NHSL2: variants seen among roughly 807,000 people sequenced by gnomAD.
NHSL2 encodes NHS-like protein 2.
A neutral mutation model predicts 53.4 loss-of-function variants in NHSL2; 27 were observed. That is an observed-to-expected ratio of 0.51 (90% CI 0.37 to 0.70). NHSL2 has a LOEUF of 0.70. NHSL2 is among the 30% of genes least tolerant of loss of function. NHSL2 has a pLI of 0.00. For synonymous variants in NHSL2, 408 were observed against 404.1 expected (o/e 1.01, Z -0.12); for missense variants, 892 against 980.1 (o/e 0.91, Z 1.20).
chrX:71,954,999 C>A (rs1319342458), intron 1 of NHSL2, among the ~76,000 whole-genome samples: 1 of 112,314 alleles, frequency 8.9e-6, no homozygotes, highest in Non-Finnish European at 1.9e-5. Context: ...TCTCAAGCAG[C>A]CTTTCCAGTC....
chrX:72,009,702 CTTTA>C, intron 1 of NHSL2, among the ~76,000 whole-genome samples: 1 of 112,410 alleles, frequency 8.9e-6, no homozygotes, highest in East Asian at 2.8e-4. Context: ...CTGACATGTA[CTTTA>C]TTTATTTCCC....
intron 1 of NHSL2, among the ~76,000 whole-genome samples, chrX:72,023,135 C>T (rs2042168265): frequency 8.9e-6 from 1 of 112,677 alleles, no homozygotes; most frequent in African/African-American, 3.2e-5. Context: ...AGGCTTGATA[C>T]TAGGTGTTGG....
intron 1 of NHSL2, among the ~76,000 whole-genome samples, chrX:71,980,932 G>T (rs1158760984): frequency 8.9e-6 from 1 of 111,751 alleles, no homozygotes; most frequent in Admixed American, 9.5e-5. Flanking sequence ...CTCAACTAGG[G>T]TGTTGCCCCT....
At chrX:72,129,919 C>T (rs767201470) in intron 1 of NHSL2, 4 of 1,211,046 alleles carry the variant, frequency 3.3e-6, no homozygotes, top group Admixed American at 2.2e-5. Context: ...TCGAACTTGG[C>T]GTTGTCCTAA....
intron 1 of NHSL2, among the ~76,000 whole-genome samples, chrX:72,022,139 G>C (rs1456697278): frequency 8.9e-6 from 1 of 112,058 alleles, no homozygotes; most frequent in African/African-American, 3.2e-5. Context: ...ACCCACCAAA[G>C]CTGCCCTGAG....
chrX:72,018,204 G>GT (rs778642571), intron 1 of NHSL2, among the ~76,000 whole-genome samples: 2 of 111,457 alleles, frequency 1.8e-5, no homozygotes, highest in East Asian at 5.6e-4. Context: ...TTGTGTGGGG[G>GT]TGAGGACCTG....
intron 1 of NHSL2, among the ~76,000 whole-genome samples, chrX:71,938,752 A>G (rs1036705207): frequency 8.9e-6 from 1 of 112,918 alleles, no homozygotes; most frequent in African/African-American, 3.2e-5. Context: ...TCTTGGCCCC[A>G]CTGCTGGGAA....
intron 1 of NHSL2, among the ~76,000 whole-genome samples, chrX:71,988,678 C>T (rs1414494778): frequency 9.0e-6 from 1 of 111,409 alleles, no homozygotes; most frequent in African/African-American, 3.3e-5. Context: ...CAGACTATTT[C>T]CTTTGGGTTG....
At chrX:72,021,492 A>G (rs2042160230) in intron 1 of NHSL2, among the ~76,000 whole-genome samples, 1 of 111,535 alleles carries the variant, frequency 9.0e-6, no homozygotes, top group African/African-American at 3.3e-5. Context: ...AACTTCCCTT[A>G]CTCTGAATCT....
intron 1 of NHSL2, among the ~76,000 whole-genome samples, chrX:72,090,906 A>G (rs1355284551): frequency 1.8e-5 from 2 of 111,269 alleles, no homozygotes; most frequent in African/African-American, 3.3e-5. Context: ...TTCACCTGAC[A>G]TTGTATCTTG....
rs766144046 is a variant in NHSL2, at chrX:72,049,015, G to GAAGAAGAAGAAGAAGAA, written c.281-83064_281-83063insAAGAAGAAGAAGAAGAA. Among the ~76,000 whole-genome samples, 196 of 82,767 alleles carry GAAGAAGAAGAAGAAGAA rather than the reference G, an allele frequency of 2.4e-3. 2 individuals are homozygous for GAAGAAGAAGAAGAAGAA. Among genetic ancestry groups the GAAGAAGAAGAAGAAGAA allele is most frequent in the African/African-American group, 9.9e-3 (132 of 13,375 alleles). 71.9% of individuals were successfully genotyped at this position (82,767 alleles called of 115,157 possible). On this transcript the variant is annotated intron_variant, in intron 1 of 7. Coordinates refer to ENST00000633930, the MANE Select transcript of NHSL2 (RefSeq NM_001013627.3). ...AAGAAGAAGAAGAAGAAGAAGAAGA[G>GAAGAAGAAGAAGAAGAA]GAAGAGGAAGAGGAAGAGGAAGAGG...
intron 5 of NHSL2, 93 bp downstream of exon 5, chrX:72,137,318 GA>G (rs2042365095): frequency 1.1e-6 from 1 of 879,214 alleles, no homozygotes; most frequent in African/African-American, 2.0e-5. Flanking sequence ...TGGGGAACAG[GA>G]ATAATTGGGT....
chrX:72,040,526 GCCACATT>G (rs2042268425), intron 1 of NHSL2, among the ~76,000 whole-genome samples: 1 of 111,938 alleles, frequency 8.9e-6, no homozygotes. Flanking sequence ...TGTGCTGGAG[GCCACATT>G]CTAAACGAGA....
intron 1 of NHSL2, among the ~76,000 whole-genome samples, chrX:72,053,813 C>A (rs182221403): frequency 8.9e-6 from 1 of 111,889 alleles, no homozygotes; most frequent in Non-Finnish European, 1.9e-5. Flanking sequence ...CTCCTCCACC[C>A]CCATCTCATT....
intron 1 of NHSL2, among the ~76,000 whole-genome samples, chrX:71,946,729 C>G (rs1448275105): frequency 2.7e-5 from 3 of 112,185 alleles, no homozygotes; most frequent in African/African-American, 9.7e-5. Flanking sequence ...TTTCTGCTAA[C>G]TGGGTAACTG....
intron 1 of NHSL2, among the ~76,000 whole-genome samples, chrX:72,119,355 G>T (rs916521403): frequency 8.9e-6 from 1 of 111,915 alleles, no homozygotes; most frequent in Non-Finnish European, 1.9e-5. Flanking sequence ...AGATCAATTT[G>T]AGGAATATTG....
intron 1 of NHSL2, chrX:72,129,643 G>A (rs1303571866): frequency 2.2e-6 from 1 of 448,588 alleles, no homozygotes; most frequent in Non-Finnish European, 3.8e-6. Flanking sequence ...AGGTGGCCCT[G>A]GTTGGGCACA....
chrX:71,994,298 C>CTGTGTG (rs10673341), intron 1 of NHSL2, among the ~76,000 whole-genome samples: 2,564 of 90,038 alleles, frequency 0.028, 86 homozygotes, highest in African/African-American at 0.092. Context: ...GAGGCTCCCT[C>CTGTGTG]TGTGTGTGTG....
Position 72,144,359 on chromosome X carries a change from C to T in NHSL2, c.*785C>T, listed in dbSNP as rs2042445043. The T allele has an allele frequency of 1.6e-5, 5 of 321,291 alleles. No homozygotes were observed. The Admixed American group carries it at 2.0e-4, about 13-fold the overall frequency. 26.5% of individuals were successfully genotyped at this position (321,291 alleles called of 1,213,427 possible). On this transcript the variant is annotated 3_prime_UTR_variant, in exon 8 of 8. Transcript: ENST00000633930. ...CAGCCATTTGTTCACTCAGATCTAG[C>T]CGAGGTAACTCACAAGTGCACCTTG...
Sources: gnomAD v4.1 joint callset for allele counts (sites outside exome capture counted in the v4.1 genomes callset) on GRCh38, gnomAD v4.1.1 for gene constraint, MANE v1.5 for transcripts, NCBI Gene and HGNC (gene_info 2026-07-23, HGNC 2026-07-21) for gene names.